CHCHD6: variants seen among roughly 807,000 people sequenced by gnomAD.
CHCHD6 encodes coiled-coil-helix-coiled-coil-helix domain containing 6.
CHCHD6 carries 28 observed loss-of-function variants against 32.3 expected under a neutral mutation model. That is an observed-to-expected ratio of 0.87 (90% confidence interval 0.64 to 1.19). The LOEUF (loss-of-function observed/expected upper bound fraction) is 1.19, where lower values mean the gene tolerates loss of function less well. Ranked by LOEUF, CHCHD6 falls within the 50% of genes most tolerant of loss-of-function variation. CHCHD6 has a pLI of 0.00. For missense variants in CHCHD6, 333 were observed against 307.0 expected (o/e 1.08, Z -0.63); for synonymous variants, 122 against 117.5 (o/e 1.04, Z -0.25).
chr3:126,880,560 T>C (rs1033602738), intron 5 of CHCHD6, among the ~76,000 whole-genome samples: 3 of 152,244 alleles, frequency 2.0e-5, no homozygotes, highest in African/African-American at 7.2e-5. Flanking sequence ...TAAACTCATC[T>C]GATAGCCTTA....
At chr3:126,846,017 A>G (rs1941283706) in intron 4 of CHCHD6, among the ~76,000 whole-genome samples, 1 of 152,156 alleles carries the variant, frequency 6.6e-6, no homozygotes, top group African/African-American at 2.4e-5. Flanking sequence ...TTAATTTATC[A>G]TGTCCCATCC....
chr3:126,721,159 A>G (rs1935269679), intron 1 of CHCHD6, among the ~76,000 whole-genome samples: 1 of 152,108 alleles, frequency 6.6e-6, no homozygotes, highest in Non-Finnish European at 1.5e-5. Context: ...CCCACCTCCC[A>G]CGCAGGCCGT....
At chr3:126,779,855 C>T (rs1349569034) in intron 4 of CHCHD6, among the ~76,000 whole-genome samples, 4 of 152,204 alleles carry the variant, frequency 2.6e-5, no homozygotes, top group Admixed American at 1.3e-4. Flanking sequence ...AGGTTATAAA[C>T]TCCTTAGGGC....
chr3:126,859,705 C>T (rs918675978), intron 5 of CHCHD6, among the ~76,000 whole-genome samples: 1 of 152,176 alleles, frequency 6.6e-6, no homozygotes, highest in African/African-American at 2.4e-5. Context: ...AAGCCATGCA[C>T]ACGGCTGATA....
chr3:126,768,096 C>T (rs937435643), intron 4 of CHCHD6, among the ~76,000 whole-genome samples: 1 of 152,136 alleles, frequency 6.6e-6, no homozygotes, highest in Non-Finnish European at 1.5e-5. Flanking sequence ...GCCCAAATCT[C>T]ATGTCGAATT....
At chr3:126,832,090 C>T (rs1365138868) in intron 4 of CHCHD6, among the ~76,000 whole-genome samples, 1 of 152,234 alleles carries the variant, frequency 6.6e-6, no homozygotes, top group Non-Finnish European at 1.5e-5. Context: ...GAGCTTTTCA[C>T]ACTTGATGCT....
chr3:126,761,246 A>C (rs147839345), intron 4 of CHCHD6, among the ~76,000 whole-genome samples: 3 of 152,220 alleles, frequency 2.0e-5, no homozygotes, highest in Non-Finnish European at 2.9e-5. Flanking sequence ...ACCATTTTAC[A>C]TTCTTACCAG....
intron 1 of CHCHD6, among the ~76,000 whole-genome samples, chr3:126,723,350 A>G (rs1388735906): frequency 6.6e-6 from 1 of 152,222 alleles, no homozygotes; most frequent in Non-Finnish European, 1.5e-5. Context: ...CCCCACTTTC[A>G]GGACCTCATC....
chr3:126,795,968 A>C (rs146882226), intron 4 of CHCHD6, among the ~76,000 whole-genome samples: 1 of 152,150 alleles, frequency 6.6e-6, no homozygotes, highest in Non-Finnish European at 1.5e-5. Flanking sequence ...AGTCAGTTTC[A>C]GTGGTGGGGT....
intron 5 of CHCHD6, among the ~76,000 whole-genome samples, chr3:126,866,864 A>G (rs898558405): frequency 2.0e-5 from 3 of 152,222 alleles, no homozygotes; most frequent in Non-Finnish European, 4.4e-5. Flanking sequence ...ATTTTCTTAC[A>G]TAACTACAAT....
At chr3:126,776,068 C>G (rs146767227) in intron 4 of CHCHD6, among the ~76,000 whole-genome samples, 177 of 152,294 alleles carry the variant, frequency 1.2e-3, no homozygotes, top group African/African-American at 4.2e-3. Context: ...AGCTACCATT[C>G]CCTTAGTAGG....
chr3:126,905,112 G>A (rs371532106), intron 5 of CHCHD6, among the ~76,000 whole-genome samples: 2 of 152,256 alleles, frequency 1.3e-5, no homozygotes, highest in African/African-American at 2.4e-5. Flanking sequence ...AAGAAACAGC[G>A]CCTTCATTCA....
chr3:126,888,204 A>C (rs1182761014), intron 5 of CHCHD6, among the ~76,000 whole-genome samples: 1 of 152,152 alleles, frequency 6.6e-6, no homozygotes, highest in Non-Finnish European at 1.5e-5. Context: ...GAAGAGCTGG[A>C]GGCCCTCCGG....
At chr3:126,809,329 T>C (rs1269648386) in intron 4 of CHCHD6, among the ~76,000 whole-genome samples, 1 of 152,208 alleles carries the variant, frequency 6.6e-6, no homozygotes, top group African/African-American at 2.4e-5. Context: ...ACTGCTTAGG[T>C]TGTGCTTGTC....
At chr3:126,769,832 A>G (rs1017696078) in intron 4 of CHCHD6, among the ~76,000 whole-genome samples, 12 of 152,218 alleles carry the variant, frequency 7.9e-5, no homozygotes, top group African/African-American at 2.9e-4. Flanking sequence ...TATGAATTCA[A>G]TATGAATTTT....
intron 6 of CHCHD6, among the ~76,000 whole-genome samples, chr3:126,937,969 C>G (rs2078505820): frequency 6.6e-6 from 1 of 152,200 alleles, no homozygotes; most frequent in Non-Finnish European, 1.5e-5. Flanking sequence ...CTCCAAGCCA[C>G]ATGACTGAGA....
At chr3:126,871,872 A>G (rs2077477396) in intron 5 of CHCHD6, among the ~76,000 whole-genome samples, 1 of 151,820 alleles carries the variant, frequency 6.6e-6, no homozygotes, top group Non-Finnish European at 1.5e-5. Context: ...TCACCGTGTT[A>G]ACCAGGATGG....
chr3:126,742,022 C>G (rs1175346759), intron 4 of CHCHD6, among the ~76,000 whole-genome samples: 1 of 152,182 alleles, frequency 6.6e-6, no homozygotes, highest in Non-Finnish European at 1.5e-5. Flanking sequence ...TTTTCTCTGC[C>G]AGGGTCTGCT....
intron 5 of CHCHD6, among the ~76,000 whole-genome samples, chr3:126,913,168 C>G (rs1186622082): frequency 7.7e-6 from 1 of 130,478 alleles, no homozygotes; most frequent in Non-Finnish European, 1.6e-5. Context: ...CCCATTTGCT[C>G]ATCTGTAGAA....
Sources: allele counts gnomAD v4.1 joint callset (sites outside exome capture counted in the v4.1 genomes callset), GRCh38; gene constraint gnomAD v4.1.1; transcripts MANE v1.5; gene names NCBI Gene and HGNC (gene_info 2026-07-23, HGNC 2026-07-21).